FBN3: variants seen among roughly 807,000 people sequenced by gnomAD.
The protein encoded by FBN3 is fibrillin-3.
Under a neutral mutation model 330.1 loss-of-function variants are expected in FBN3, and 234 were observed. The observed-to-expected ratio is 0.71, with a 90% confidence interval of 0.64 to 0.79. The LOEUF is 0.79. FBN3 is among the 30% of genes least tolerant of loss of function. The pLI is 0.00. For missense variants in FBN3, 3,606 were observed against 3,886.9 expected (o/e 0.93, Z 1.92); for synonymous variants, 1,458 against 1,517.3 (o/e 0.96, Z 0.91).
At position 8,103,037 on chromosome 19, in the gene FBN3, C is replaced by T. The variant is rs539960634; in HGVS notation, c.4940-164G>A. Reference sequence around the variant, plus strand: ...ATCCCAGCACTTTGGGAGGCGGAGGCGGGCGGATCACTTGAGGTCAGGAGT... The same window carrying T: ...ATCCCAGCACTTTGGGAGGCGGAGGTGGGCGGATCACTTGAGGTCAGGAGT... On this transcript the variant is annotated intron_variant, in intron 39 of 63. Transcript: ENST00000600128. Among the ~76,000 whole-genome samples, 14 of 152,088 alleles carry T rather than the reference C, an allele frequency of 9.2e-5. No individual in the cohort carries two copies. The East Asian group carries it at 2.3e-3, about 25-fold the overall frequency.
chr19:8,105,991 G>C, intron 38 of FBN3, 117 bp downstream of exon 38: 1 of 1,211,830 alleles, frequency 8.3e-7, no homozygotes. Context: ...GAGGAGGCAG[G>C]GGGCAGAAGC....
In FBN3 at chr19:8,121,110, C is replaced by G. The variant is rs544176402; in HGVS notation, c.3211+148G>C. 59 of 766,960 alleles carry G rather than the reference C, an allele frequency of 7.7e-5. No homozygotes were observed. The African/African-American group carries it at 9.9e-4, about 13-fold the overall frequency. 47.5% of individuals were successfully genotyped at this position (766,960 alleles called of 1,614,324 possible). A position where few individuals can be genotyped will look rare whatever the true frequency, so the allele number is the denominator to read the frequency against. ...AGGACGAGGCCTCATGGAGCCCAGA[C>G]TCACTGTACCTCAGCTAATTTACAG... On this transcript the variant is annotated intron_variant, in intron 25 of 63. Transcript: ENST00000600128. The surrounding 1 kb of genome is among the most constrained non-coding windows in gnomAD (Gnocchi z 4.5).
chr19:8,083,122 G>A (rs2081845401), intron 57 of FBN3, 125 bp downstream of exon 57: 3 of 1,180,330 alleles, frequency 2.5e-6, no homozygotes, highest in Non-Finnish European at 3.7e-6. Context: ...GTATGGTTTG[G>A]GCACCACTTT....
In FBN3 at chr19:8,146,122, C is replaced by T; in HGVS notation, c.349+5G>A. On this transcript the variant is annotated splice_donor_5th_base_variant and intron_variant, in intron 4 of 63. Transcript: ENST00000600128. The stretch of plus-strand genomic sequence containing the variant: ...CCCTCCCGCAAGAGGCCGCTTCCCG[C>T]TCACCTCGGCTCACCCCGCAGCTGG... 6.3e-7 allele frequency: 1 copy of T among 1,583,982 alleles called. No individual in the cohort carries two copies. The highest frequency in any genetic ancestry group is 8.6e-7 in the Non-Finnish European group (1 of 1,166,150).
At chr19:8,082,405 C>A (rs1026310040) in intron 57 of FBN3, among the ~76,000 whole-genome samples, 4 of 149,478 alleles carry the variant, frequency 2.7e-5, no homozygotes, top group African/African-American at 9.9e-5. Flanking sequence ...TTTTCTCTTT[C>A]TCCCCTTTCT....
intron 8 of FBN3, 105 bp downstream of exon 8, chr19:8,141,612 G>C: frequency 7.7e-7 from 1 of 1,301,980 alleles, no homozygotes; most frequent in Non-Finnish European, 1.1e-6. Flanking sequence ...GTCAGAACTG[G>C]GCACCTCACC....
At chr19:8,135,923 C>A in intron 13 of FBN3, 38 bp downstream of exon 13, 1 of 1,382,558 alleles carries the variant, frequency 7.2e-7, no homozygotes. Context: ...GCTAGTGGGG[C>A]CCGGAAGCCC....
At position 8,103,620 on chromosome 19, in the gene FBN3, G is replaced by T. The variant is rs772613885; in HGVS notation, c.4881C>A (p.Asn1627Lys). Residue 1627 changes from asparagine (N) to lysine (K), a missense_variant, in exon 39 of 64, where the codon AAC (asparagine) becomes AAA (lysine). Transcript: ENST00000600128. ...ACTCTGCAGGGCAGACACAGGTGTA[G>T]TTCCCCAGGGTGTTGTAGCAGGTGC... Reference protein sequence around the residue: ...GPGTCYNTLGNYTCVCPAEYL... With the variant: ...GPGTCYNTLGKYTCVCPAEYL... 2.5e-6 allele frequency: 4 copies of T among 1,613,698 alleles called. No homozygotes were observed. The highest frequency in any genetic ancestry group is 1.3e-5 in the African/African-American group (1 of 74,906).
intron 49 of FBN3, 23 bp downstream of exon 49, chr19:8,090,076 C>A: frequency 1.2e-6 from 2 of 1,610,382 alleles, no homozygotes; most frequent in Non-Finnish European, 8.5e-7. Context: ...ATCCAGGGAG[C>A]CTGGACAGGG....
In FBN3 at chr19:8,075,267, C is replaced by A; in HGVS notation, c.7582+16G>T. 1 of 1,603,838 alleles carries A rather than the reference C, an allele frequency of 6.2e-7. No individual in the cohort carries two copies. Among genetic ancestry groups the A allele is most frequent in the Non-Finnish European group, 8.5e-7 (1 of 1,172,918 alleles). On this transcript the variant is annotated intron_variant, in intron 60 of 63. Transcript: ENST00000600128. ...ACACCCCCAAACACTAGACCCCAGCCAAAGCTGGGCTGTACCTTCACAGCC... is the reference window on the plus strand; with the variant it reads ...ACACCCCCAAACACTAGACCCCAGCAAAAGCTGGGCTGTACCTTCACAGCC...
At position 8,095,500 on chromosome 19, in the gene FBN3, A is replaced by G; in HGVS notation, c.5660T>C (p.Phe1887Ser). ...CCCCACCAGGGTAGTACACTCATCA[A>G]AATCTGTAGAGGGGAGATGGGCAGG... ...VVTHNGDCVD[F>S]DECTTLVGQV... Residue 1887 changes from phenylalanine (F) to serine (S), a missense_variant, in exon 46 of 64, where the codon TTT (phenylalanine) becomes TCT (serine). Coordinates refer to ENST00000600128, the MANE Select transcript of FBN3 (RefSeq NM_032447.5). The G allele has an allele frequency of 6.2e-7, 1 of 1,613,170 alleles. No individual in the cohort carries two copies. The highest frequency in any genetic ancestry group is 8.5e-7 in the Non-Finnish European group (1 of 1,179,480).
intron 41 of FBN3, among the ~76,000 whole-genome samples, chr19:8,098,353 C>T (rs1401126959): frequency 2.0e-5 from 3 of 151,402 alleles, no homozygotes; most frequent in Non-Finnish European, 4.4e-5. Context: ...AAGTGTCAAT[C>T]AATGGGGGAC....
rs747472248 is a variant in FBN3, at chr19:8,131,788, G to A, written c.1756C>T (p.His586Tyr). The change falls in exon 15 of 64, where the codon CAC (histidine) becomes TAC (tyrosine). Residue 586 changes from histidine (H) to tyrosine (Y), a missense_variant. Transcript: ENST00000600128. The surrounding 1 kb of genome is among the most constrained non-coding windows in gnomAD (Gnocchi z 4.5). ...CQTPGICVNG[H>Y]CTNTEGSFRC... ...AAGGAGCCCTCGGTGTTGGTACAGT[G>A]GCCGTTCACGCAGATGCCGGGCGTC... The A allele has an allele frequency of 3.3e-5, 53 of 1,608,344 alleles. No homozygotes were observed. Among genetic ancestry groups the A allele is most frequent in the Non-Finnish European group, 4.3e-5 (51 of 1,176,098 alleles).
intron 22 of FBN3, 102 bp downstream of exon 22, chr19:8,125,790 C>CAAAA: frequency 9.3e-7 from 1 of 1,078,794 alleles, no homozygotes; most frequent in African/African-American, 1.9e-5. Context: ...GACTCCATCT[C>CAAAA]AAAAAAAAAA....
rs200114345 is a variant in FBN3 at position 8,123,777 on chromosome 19, A to C, written c.2956+7T>G. On this transcript the variant is annotated splice_region_variant and intron_variant, in intron 23 of 63. Transcript: ENST00000600128. ...TTCCAGGGGCCTGACCCCTTCCCCA[A>C]CCGCACCTTTATAGAATGGTCGGCC... 7 of 1,612,142 alleles carry C rather than the reference A, an allele frequency of 4.3e-6. No homozygotes were observed. The highest frequency in any genetic ancestry group is 5.9e-6 in the Non-Finnish European group (7 of 1,179,570).
rs532349995 is a variant in FBN3 at position 8,084,097 on chromosome 19, C to T, written c.7088-725G>A. ...GATTACAGGCGTGAGCCACCGCGGC[C>T]CTCCCCAGTCCTGTTGATGCCACTG... On this transcript the variant is annotated intron_variant, in intron 56 of 63. Transcript: ENST00000600128. Among the ~76,000 whole-genome samples, 8 of 152,190 alleles carry T rather than the reference C, an allele frequency of 5.3e-5. No individual in the cohort carries two copies. In the East Asian group the frequency reaches 1.6e-3, roughly 30 times the overall value.
chr19:8,070,271 T>C (rs540014124), intron 63 of FBN3, among the ~76,000 whole-genome samples: 36 of 152,316 alleles, frequency 2.4e-4, no homozygotes, highest in Admixed American at 6.5e-4. Flanking sequence ...TTTTTCCCCA[T>C]AGCACTTATC....
At position 8,141,844 on chromosome 19, in the gene FBN3, T is replaced by C; in HGVS notation, c.740-2A>G. 1 of 1,613,996 alleles carries C rather than the reference T, an allele frequency of 6.2e-7. No individual in the cohort carries two copies. Among genetic ancestry groups the C allele is most frequent in the Non-Finnish European group, 8.5e-7 (1 of 1,179,906 alleles). ...GCACAGCCTGGCACTCATCCACATC[T>C]GCAAGGACAAAGCCCGGCAGGGGAG... On this transcript the variant is annotated splice_acceptor_variant, in intron 7 of 63. Transcript: ENST00000600128. LOFTEE classifies it high-confidence loss of function.
Position 8,081,509 on chromosome 19 carries a change from C to T in FBN3, c.7214-29G>A, listed in dbSNP as rs769594072. The T allele has an allele frequency of 1.2e-5, 19 of 1,565,932 alleles. No homozygotes were observed. In the African/African-American group the frequency reaches 1.5e-4, roughly 12 times the overall value. ...GGGAAGGACAGCGTGGGTAGTGGGG[C>T]GGGGTTAGACAGACATTCCCTGGGG... On this transcript the variant is annotated intron_variant, in intron 57 of 63. Transcript: ENST00000600128.
Sources: allele counts gnomAD v4.1 joint callset (sites outside exome capture counted in the v4.1 genomes callset), GRCh38; gene constraint gnomAD v4.1.1; non-coding constraint Gnocchi (gnomAD v3.1); transcripts MANE v1.5; gene names NCBI Gene and HGNC (gene_info 2026-07-23, HGNC 2026-07-21).